AKR1C8: variants seen among roughly 807,000 people sequenced by gnomAD.
The protein encoded by AKR1C8 is aldo-keto reductase family 1 member C-like protein 1.
chr10:5,161,937 G>C, the AKR1C8 span: 1 of 534,372 alleles, frequency 1.9e-6, no homozygotes, highest in African/African-American at 1.9e-5. Flanking sequence ...CTAGGGCCGG[G>C]TGAACCAATT....
At chr10:5,177,753 C>T in the AKR1C8 span, among the ~76,000 whole-genome samples, 62 of 152,162 alleles carry the variant, frequency 4.1e-4, 2 homozygotes, top group Middle Eastern at 0.027. Flanking sequence ...CTAGATTTTC[C>T]AGTTTATTTG....
At chr10:5,178,891 T>A in the AKR1C8 span, among the ~76,000 whole-genome samples, 9,325 of 152,278 alleles carry the variant, frequency 0.061, 344 homozygotes, top group Middle Eastern at 0.085. Flanking sequence ...TGAGATGCGT[T>A]TCCTGAATAC....
chr10:5,153,039 G>T, the AKR1C8 span, among the ~76,000 whole-genome samples: 1 of 152,044 alleles, frequency 6.6e-6, no homozygotes, highest in Non-Finnish European at 1.5e-5. Context: ...TAGAGATCTT[G>T]CAGAAGGATC....
the AKR1C8 span, among the ~76,000 whole-genome samples, chr10:5,129,333 A>C: frequency 6.6e-6 from 1 of 152,074 alleles, no homozygotes; most frequent in South Asian, 2.1e-4. Context: ...CTGAAACAGC[A>C]CAAATTGACA....
the AKR1C8 span, among the ~76,000 whole-genome samples, chr10:5,175,098 CCTAATGCTA>C: frequency 6.6e-6 from 1 of 151,026 alleles, no homozygotes; most frequent in African/African-American, 2.4e-5. Context: ...AGGTATATCT[CCTAATGCTA>C]TCCCTCCCCC....
the AKR1C8 span, among the ~76,000 whole-genome samples, chr10:5,162,553 G>A: frequency 6.6e-6 from 1 of 152,128 alleles, no homozygotes; most frequent in Non-Finnish European, 1.5e-5. Flanking sequence ...CATCCTAAGA[G>A]CTCTTACTGA....
chr10:5,118,809 T>C, the AKR1C8 span, among the ~76,000 whole-genome samples: 1 of 152,190 alleles, frequency 6.6e-6, no homozygotes, highest in Non-Finnish European at 1.5e-5. Flanking sequence ...CCTTGGCCCC[T>C]ATAGCTGCCA....
At chr10:5,157,112 C>T in the AKR1C8 span, among the ~76,000 whole-genome samples, 1 of 152,094 alleles carries the variant, frequency 6.6e-6, no homozygotes, top group Non-Finnish European at 1.5e-5. Flanking sequence ...CAGAAGGAGC[C>T]ATTGTATTTA....
the AKR1C8 span, among the ~76,000 whole-genome samples, chr10:5,134,011 A>G: frequency 2.0e-5 from 3 of 152,244 alleles, no homozygotes; most frequent in Non-Finnish European, 4.4e-5. Context: ...TTATTGATTT[A>G]TCTACCAAAT....
the AKR1C8 span, among the ~76,000 whole-genome samples, chr10:5,181,533 C>T: frequency 6.6e-6 from 1 of 152,106 alleles, no homozygotes; most frequent in South Asian, 2.1e-4. Flanking sequence ...TGTTTAAATA[C>T]TACAGAAGGC....
chr10:5,177,320 G>A, the AKR1C8 span, among the ~76,000 whole-genome samples: 2 of 152,038 alleles, frequency 1.3e-5, no homozygotes, highest in Non-Finnish European at 2.9e-5. Flanking sequence ...GCATCCCAGG[G>A]ATGAAGCCCA....
At chr10:5,148,854 G>T in the AKR1C8 span, among the ~76,000 whole-genome samples, 1 of 151,974 alleles carries the variant, frequency 6.6e-6, no homozygotes, top group Non-Finnish European at 1.5e-5. Flanking sequence ...TCTTAGTAAG[G>T]CTCATTCCTA....
chr10:5,170,768 C>G, the AKR1C8 span, among the ~76,000 whole-genome samples: 1 of 152,074 alleles, frequency 6.6e-6, no homozygotes, highest in Non-Finnish European at 1.5e-5. Flanking sequence ...CCAGTCAAAG[C>G]CTTGGTAAAA....
At chr10:5,161,647 G>A in the AKR1C8 span, 1 of 529,884 alleles carries the variant, frequency 1.9e-6, no homozygotes, top group Non-Finnish European at 3.9e-6. Context: ...CCCCCTTAAG[G>A]CTGGGGGACA....
the AKR1C8 span, among the ~76,000 whole-genome samples, chr10:5,166,586 T>C: frequency 2.0e-5 from 3 of 152,198 alleles, no homozygotes; most frequent in East Asian, 3.8e-4. Flanking sequence ...GCTAGCCATA[T>C]GTAGAAAGCT....
chr10:5,176,658 C>T, the AKR1C8 span, among the ~76,000 whole-genome samples: 1 of 152,058 alleles, frequency 6.6e-6, no homozygotes, highest in Non-Finnish European at 1.5e-5. Context: ...TTTCCTTAAG[C>T]AGTGGTTTGT....
chr10:5,172,814 G>C, the AKR1C8 span, among the ~76,000 whole-genome samples: 18 of 151,954 alleles, frequency 1.2e-4, no homozygotes, highest in African/African-American at 4.1e-4. Context: ...CAATTAATTA[G>C]AGCTCTTTTA....
At chr10:5,174,047 C>T in the AKR1C8 span, among the ~76,000 whole-genome samples, 1 of 151,988 alleles carries the variant, frequency 6.6e-6, no homozygotes, top group Non-Finnish European at 1.5e-5. Context: ...CTTGTGGAAC[C>T]TGAACCCAAA....
At chr10:5,121,549 G>A in the AKR1C8 span, among the ~76,000 whole-genome samples, 2 of 152,068 alleles carry the variant, frequency 1.3e-5, no homozygotes. Flanking sequence ...AAAAGGTAAT[G>A]CCACATTAAG....
Sources: allele counts gnomAD v4.1 joint callset (sites outside exome capture counted in the v4.1 genomes callset), GRCh38; gene constraint gnomAD v4.1.1; transcripts MANE v1.5; gene names NCBI Gene and HGNC (gene_info 2026-07-23, HGNC 2026-07-21).